FRMD8: variants seen among roughly 807,000 people sequenced by gnomAD.
FRMD8 encodes the protein FERM domain-containing protein 8.
In FRMD8, 37 loss-of-function variants were observed where a neutral mutation model predicts 54.2. The ratio of observed to expected loss-of-function variants is 0.68; its 90% CI spans 0.53 to 0.90. FRMD8 has a LOEUF of 0.90. Ranked by LOEUF, FRMD8 falls within the 40% of genes least tolerant of loss-of-function variation. FRMD8 has a pLI of 0.00. For missense variants in FRMD8, 585 were observed against 653.7 expected (o/e 0.89, Z 1.15); for synonymous variants, 246 against 286.9 (o/e 0.86, Z 1.44).
At position 65,404,924 on chromosome 11, in the gene FRMD8, G is replaced by T. The variant is rs145995836; in HGVS notation, c.1132G>T (p.Ala378Ser). The change falls in exon 10 of 11, where the codon GCA becomes TCA. Residue 378 changes from alanine to serine, a missense_variant. Transcript: ENST00000317568. The surrounding 1 kb of genome is among the most constrained non-coding windows in gnomAD (Gnocchi z 4.7). ...CIELSQAAEP[A>S]GPQDSATGSP... ...CGAACTGAGCCAGGCGGCGGAGCCC[G>T]CAGGCCCCCAGGACAGTGCGACTGG... 6.2e-7 allele frequency: 1 copy of T among 1,613,276 alleles called. No individual in the cohort carries two copies. Among genetic ancestry groups the T allele is most frequent in the South Asian group, 1.1e-5 (1 of 91,082 alleles).
intron 3 of FRMD8, among the ~76,000 whole-genome samples, chr11:65,390,613 G>A (rs906390651): frequency 2.1e-5 from 3 of 143,288 alleles, no homozygotes; most frequent in Non-Finnish European, 3.0e-5. Flanking sequence ...GGAGGTGCCC[G>A]CCCACCCTCT....
chr11:65,399,909 A>T (rs1856036965), intron 8 of FRMD8, 50 bp downstream of exon 8: 1 of 1,573,588 alleles, frequency 6.4e-7, no homozygotes, highest in Non-Finnish European at 8.6e-7. Flanking sequence ...GGGGCTCCTG[A>T]CTCAGGTCTT....
chr11:65,398,287 C>T (rs748881161), intron 7 of FRMD8, among the ~76,000 whole-genome samples: 1 of 152,244 alleles, frequency 6.6e-6, no homozygotes, highest in African/African-American at 2.4e-5. Flanking sequence ...CATGAGCCAC[C>T]GTGCCTGGCT....
At position 65,393,625 on chromosome 11, in the gene FRMD8, G is replaced by A. The variant is rs527514305; in HGVS notation, c.306G>A (p.Pro102=). The A allele has an allele frequency of 9.3e-6, 15 of 1,608,594 alleles. No individual in the cohort carries two copies. Among genetic ancestry groups the A allele is most frequent in the South Asian group, 2.2e-5 (2 of 91,080 alleles). The change falls in exon 4 of 11, where the codon CCG becomes CCA. Residue 102 remains proline, a synonymous_variant. Coordinates refer to ENST00000317568, the MANE Select transcript of FRMD8 (RefSeq NM_031904.5). ...CCTACAAGCTGGGACGCCAGTGGCC[G>A]GAGCTGCTGCTGCGCTTCACCAGTG... ...HQPYKLGRQW[P]ELLLRFTSAP... is the part of the protein sequence containing the mutation.
chr11:65,382,265 G>A, upstream of FRMD8: 1 of 451,490 alleles, frequency 2.2e-6, no homozygotes, highest in Non-Finnish European at 4.1e-6. This position sits in a 1 kb window ranked among gnomAD's most constrained non-coding sequence, Gnocchi z 4.4. Flanking sequence ...CTGCCCCATG[G>A]TCGGGCCCCT....
At chr11:65,368,895 G>C in the FRMD8 span, among the ~76,000 whole-genome samples, 1 of 152,122 alleles carries the variant, frequency 6.6e-6, no homozygotes, top group Non-Finnish European at 1.5e-5. Flanking sequence ...AGCTAACACA[G>C]GGGTCTCTGC....
At chr11:65,378,846 A>T in the FRMD8 span, 1 of 155,620 alleles carries the variant, frequency 6.4e-6, no homozygotes, top group East Asian at 1.9e-4. Flanking sequence ...CCCAAAGCCC[A>T]GATGACGGCA....
Position 65,386,750 on chromosome 11 carries a change from C to T in FRMD8, c.-12C>T. The T allele has an allele frequency of 2.3e-6, 1 of 431,362 alleles. No individual in the cohort carries two copies. Among genetic ancestry groups the T allele is most frequent in the Non-Finnish European group, 4.1e-6 (1 of 242,552 alleles). The allele number at this position is 431,362 out of a possible 1,614,324, so 26.7% of individuals were successfully genotyped here. A position where few individuals can be genotyped will look rare whatever the true frequency, so the allele number is the denominator to read the frequency against. On this transcript the variant is annotated 5_prime_UTR_variant, in exon 1 of 11. Coordinates refer to ENST00000317568, the MANE Select transcript of FRMD8 (RefSeq NM_031904.5). ...CTTGCCTCTCAGGTGGCGGGCTCTG[C>T]GACCCTGCGAGGTGAGAGCACAGCG...
At chr11:65,393,429 G>T in intron 3 of FRMD8, 144 bp from the exon 4 acceptor site, 6 of 606,370 alleles carry the variant, frequency 9.9e-6, no homozygotes, top group East Asian at 5.8e-5. Context: ...TAGGGTTATT[G>T]CAGAGTAAAT....
Position 65,400,941 on chromosome 11 carries a change from A to G in FRMD8, c.1071+74A>G, listed in dbSNP as rs1210276470. On this transcript the variant is annotated intron_variant, in intron 9 of 10. Transcript: ENST00000317568. This position sits in a 1 kb window ranked among gnomAD's most constrained non-coding sequence, Gnocchi z 4.3. ...CCCTGGGTCCCAGACAATTAGAGGC[A>G]CCAGGCTGGCGGGCAAGGAGGTGAG... 6.8e-7 allele frequency: 1 copy of G among 1,479,880 alleles called. No individual in the cohort carries two copies. Among genetic ancestry groups the G allele is most frequent in the Non-Finnish European group, 9.0e-7 (1 of 1,106,092 alleles). The allele number at this position is 1,479,880 out of a possible 1,614,324, so 91.7% of individuals were successfully genotyped here. A position where few individuals can be genotyped will look rare whatever the true frequency, so the allele number is the denominator to read the frequency against.
the FRMD8 span, chr11:65,380,401 AG>A: frequency 1.1e-6 from 1 of 907,788 alleles, no homozygotes; most frequent in Non-Finnish European, 1.6e-6. Flanking sequence ...CTAAGACCCC[AG>A]GCCCCACCTG....
At chr11:65,373,696 C>A in the FRMD8 span, among the ~76,000 whole-genome samples, 8 of 152,300 alleles carry the variant, frequency 5.3e-5, no homozygotes, top group Admixed American at 1.3e-4. Flanking sequence ...AAACAGTCCT[C>A]CCACCTCAGT....
At chr11:65,380,044 G>T in the FRMD8 span, 1 of 1,584,128 alleles carries the variant, frequency 6.3e-7, no homozygotes, top group Non-Finnish European at 8.7e-7. Context: ...GGCAGGAAAG[G>T]CAAGATTAGC....
intron 7 of FRMD8, among the ~76,000 whole-genome samples, chr11:65,398,627 C>A (rs976414921): frequency 6.6e-6 from 1 of 152,214 alleles, no homozygotes; most frequent in Non-Finnish European, 1.5e-5. Context: ...GTGAGTGTGA[C>A]CAGCTGTCAC....
intron 5 of FRMD8, 80 bp downstream of exon 5, chr11:65,394,179 G>A (rs1479932870): frequency 8.8e-6 from 14 of 1,598,542 alleles, no homozygotes; most frequent in Admixed American, 3.5e-5. Flanking sequence ...CTGGACATTC[G>A]CACCTTGCCC....
the FRMD8 span, among the ~76,000 whole-genome samples, chr11:65,374,228 G>A: frequency 1.3e-5 from 2 of 152,070 alleles, no homozygotes; most frequent in South Asian, 4.1e-4. Flanking sequence ...TGATGAGCAC[G>A]TGACGTAGTA....
At chr11:65,372,738 A>G in the FRMD8 span, among the ~76,000 whole-genome samples, 17,593 of 152,202 alleles carry the variant, frequency 0.12, 1,330 homozygotes, top group South Asian at 0.18. Flanking sequence ...GAGAAATAGC[A>G]AACAACAGAG....
In FRMD8 at chr11:65,412,712, A is replaced by G. The variant is rs1399902551; in HGVS notation, c.*1352A>G. ...CTTGGGCCTCTACTCCAAGTATCAGAGCCTGTTCACCCTCCTCCCTTTGGT... is the reference window on the plus strand; with the variant it reads ...CTTGGGCCTCTACTCCAAGTATCAGGGCCTGTTCACCCTCCTCCCTTTGGT... On this transcript the variant is annotated 3_prime_UTR_variant, in exon 11 of 11. Transcript: ENST00000317568. 3 of 152,242 alleles carry G rather than the reference A, an allele frequency of 2.0e-5. No individual in the cohort carries two copies. Among genetic ancestry groups the G allele is most frequent in the Admixed American group, 2.0e-4 (3 of 15,284 alleles). The allele number at this position is 152,242 out of a possible 1,614,324, so 9.4% of individuals were successfully genotyped here.
chr11:65,382,097 G>C (rs753524301), upstream of FRMD8: 1 of 726,024 alleles, frequency 1.4e-6, no homozygotes, highest in Non-Finnish European at 2.4e-6. The surrounding 1 kb of genome is among the most constrained non-coding windows in gnomAD (Gnocchi z 4.4). Flanking sequence ...CCAGACCTCC[G>C]GCAACTGGCA....
Sources: gnomAD v4.1 joint callset for allele counts (sites outside exome capture counted in the v4.1 genomes callset) on GRCh38, gnomAD v4.1.1 for gene constraint, Gnocchi (gnomAD v3.1) non-coding constraint, MANE v1.5 for transcripts, NCBI Gene and HGNC (gene_info 2026-07-23, HGNC 2026-07-21) for gene names.